The following CLIP4 variants were observed in gnomAD, a reference collection of about 807,000 sequenced individuals.
CLIP4 encodes the protein CAP-Gly domain containing linker protein family member 4.
In CLIP4, 47 loss-of-function variants were observed where a neutral mutation model predicts 73.1. That is an observed-to-expected ratio of 0.64 (90% CI 0.51 to 0.82). The LOEUF (loss-of-function observed/expected upper bound fraction) is 0.82. CLIP4 is among the 40% of genes least tolerant of loss of function. The probability of loss-of-function intolerance (pLI) is 0.00; values close to 1 mark genes in which losing one functional copy is unlikely to be tolerated. For synonymous variants in CLIP4, 306 were observed against 295.4 expected, an observed-to-expected ratio of 1.04 and a Z score of -0.37; for missense variants, 874 against 852.9, an observed-to-expected ratio of 1.02 and a Z score of -0.31.
intron 1 of CLIP4, among the ~76,000 whole-genome samples, chr2:29,102,004 A>G (rs1668064901): frequency 6.6e-6 from 1 of 152,162 alleles, no homozygotes; most frequent in Non-Finnish European, 1.5e-5. Context: ...GGTCATAAAT[A>G]GCAATATGGA....
intron 14 of CLIP4, among the ~76,000 whole-genome samples, chr2:29,171,521 C>CTTT (rs71403652): frequency 7.1e-6 from 1 of 139,952 alleles, no homozygotes; most frequent in Non-Finnish European, 1.6e-5. Context: ...TTAGGTTTTC[C>CTTT]TTTTTTTTTT....
In CLIP4 at chr2:29,181,986, T is replaced by A. The variant is rs565785947; in HGVS notation, c.*93T>A. ...TTTACTTTATTTAGCCATATTAAAA[T>A]TTTGAAAATATAGTTATCTTCTTAA... On this transcript the variant is annotated 3_prime_UTR_variant, in exon 16 of 16. Transcript: ENST00000320081. The A allele has an allele frequency of 4.5e-6, 5 of 1,116,050 alleles. No individual in the cohort carries two copies. Among genetic ancestry groups the A allele is most frequent in the Non-Finnish European group, 3.7e-6 (3 of 801,596 alleles). The allele number at this position is 1,116,050 out of a possible 1,614,324, so 69.1% of individuals were successfully genotyped here. A position where few individuals can be genotyped will look rare whatever the true frequency, so the allele number is the denominator to read the frequency against.
chr2:29,149,122 G>T (rs1369293318), intron 8 of CLIP4, among the ~76,000 whole-genome samples: 1 of 152,200 alleles, frequency 6.6e-6, no homozygotes, highest in Non-Finnish European at 1.5e-5. Context: ...CTTTGCTGTT[G>T]TAGTAAACGG....
At chr2:29,113,770 G>T (rs1389850096), upstream of CLIP4, among the ~76,000 whole-genome samples, 1 of 152,206 alleles carries the variant, frequency 6.6e-6, no homozygotes, top group South Asian at 2.1e-4. The surrounding 1 kb of genome is among the most constrained non-coding windows in gnomAD (Gnocchi z 4.0). Flanking sequence ...AACTGTATAC[G>T]TTTGGAAACT....
chr2:29,112,010 G>A (rs1050479441), upstream of CLIP4, among the ~76,000 whole-genome samples: 5 of 152,082 alleles, frequency 3.3e-5, no homozygotes, highest in Admixed American at 6.5e-5. Flanking sequence ...CCCGAATGCC[G>A]TCTTCTAAAT....
intron 1 of CLIP4, among the ~76,000 whole-genome samples, chr2:29,108,969 C>G (rs1668308891): frequency 6.6e-6 from 1 of 152,166 alleles, no homozygotes; most frequent in East Asian, 1.9e-4. Context: ...ATAACCATTC[C>G]CCTCAGCCAT....
At chr2:29,165,557 A>G (rs1667556322) in intron 13 of CLIP4, among the ~76,000 whole-genome samples, 2 of 152,326 alleles carry the variant, frequency 1.3e-5, no homozygotes, top group South Asian at 4.1e-4. Flanking sequence ...TCGTCAGGAC[A>G]TACATCTTGT....
chr2:29,174,228 A>T, intron 14 of CLIP4, 145 bp from the exon 15 acceptor site: 1 of 703,800 alleles, frequency 1.4e-6, no homozygotes, highest in Non-Finnish European at 2.3e-6. Flanking sequence ...CTGGGATTAC[A>T]GGTGTGAGCC....
At chr2:29,158,651 G>A (rs1477969432) in intron 11 of CLIP4, among the ~76,000 whole-genome samples, 1 of 152,198 alleles carries the variant, frequency 6.6e-6, no homozygotes, top group African/African-American at 2.4e-5. Flanking sequence ...GATGTAGACT[G>A]CAGAGAACGA....
chr2:29,120,577 A>T (rs74597953), intron 1 of CLIP4, among the ~76,000 whole-genome samples: 1 of 152,176 alleles, frequency 6.6e-6, no homozygotes, highest in African/African-American at 2.4e-5. Flanking sequence ...AAAAACAGGA[A>T]TTCATGATAC....
upstream of CLIP4, among the ~76,000 whole-genome samples, chr2:29,111,109 G>T (rs542635834): frequency 6.6e-6 from 1 of 152,332 alleles, no homozygotes; most frequent in South Asian, 2.1e-4. Flanking sequence ...ATCCAGGAGG[G>T]TGACTGCTGA....
intron 7 of CLIP4, 68 bp downstream of exon 7, chr2:29,144,013 GTATGGTC>G: frequency 8.2e-6 from 11 of 1,336,588 alleles, no homozygotes; most frequent in Non-Finnish European, 1.1e-5. Flanking sequence ...CAAGGACACA[GTATGGTC>G]AGAGTTTTGA....
intron 11 of CLIP4, 147 bp downstream of exon 11, chr2:29,157,494 C>T: frequency 1.7e-6 from 2 of 1,201,680 alleles, no homozygotes; most frequent in Non-Finnish European, 2.4e-6. Flanking sequence ...TCCCCCGAAC[C>T]TTAAGCCTTA....
At chr2:29,113,110 T>G (rs1180888625), upstream of CLIP4, among the ~76,000 whole-genome samples, 1 of 152,192 alleles carries the variant, frequency 6.6e-6, no homozygotes, top group East Asian at 1.9e-4. This position sits in a 1 kb window ranked among gnomAD's most constrained non-coding sequence, Gnocchi z 4.0. Flanking sequence ...TTTCTGCCCC[T>G]GGCTACATGG....
chr2:29,170,524 G>T (rs1667933997), intron 14 of CLIP4, among the ~76,000 whole-genome samples: 1 of 152,096 alleles, frequency 6.6e-6, no homozygotes, highest in African/African-American at 2.4e-5. Flanking sequence ...CATGTGTTTT[G>T]CAACTATTTC....
intron 2 of CLIP4, chr2:29,129,919 C>G (rs1664855554): frequency 2.2e-6 from 1 of 447,266 alleles, no homozygotes; most frequent in East Asian, 7.1e-5. Flanking sequence ...TTTTTGGACC[C>G]CATCTTTGCA....
chr2:29,170,867 A>G (rs1039674872), intron 14 of CLIP4, among the ~76,000 whole-genome samples: 3 of 151,548 alleles, frequency 2.0e-5, no homozygotes, highest in African/African-American at 7.3e-5. Flanking sequence ...TCTTTTTTCC[A>G]TTGAATTGCC....
intron 1 of CLIP4, among the ~76,000 whole-genome samples, chr2:29,116,097 C>T (rs1405132182): frequency 6.6e-6 from 1 of 152,184 alleles, no homozygotes; most frequent in African/African-American, 2.4e-5. Context: ...GTCGAGAAAC[C>T]TTTGGCCAGT....
chr2:29,161,777 C>T (rs929330990), intron 12 of CLIP4, among the ~76,000 whole-genome samples: 6 of 152,144 alleles, frequency 3.9e-5, no homozygotes, highest in Middle Eastern at 3.2e-3. Context: ...CTGCCATTTG[C>T]TCTGGTGGGA....
Sources: allele counts gnomAD v4.1 joint callset (sites outside exome capture counted in the v4.1 genomes callset), GRCh38; gene constraint gnomAD v4.1.1; non-coding constraint Gnocchi (gnomAD v3.1); transcripts MANE v1.5; gene names NCBI Gene and HGNC (gene_info 2026-07-23, HGNC 2026-07-21).